Variants in PHF21B observed in about 807,000 individuals in gnomAD.
PHF21B encodes PHD finger protein 4.
A neutral mutation model predicts 62.2 loss-of-function variants in PHF21B; 22 were observed. The observed-to-expected ratio is 0.35, with a 90% confidence interval of 0.25 to 0.51. PHF21B has a LOEUF of 0.51. Among genes scored for constraint, PHF21B ranks in the 20% least tolerant of loss-of-function variants. The pLI is 0.97. For missense variants in PHF21B, 701 were observed against 707.9 expected (o/e 0.99, Z 0.11); for synonymous variants, 341 against 314.7 (o/e 1.08, Z -0.88).
intron 2 of PHF21B, among the ~76,000 whole-genome samples, chr22:44,937,576 T>C (rs1437779987): frequency 6.6e-6 from 1 of 152,256 alleles, no homozygotes; most frequent in African/African-American, 2.4e-5. Flanking sequence ...ATTTCACTCC[T>C]AGGTGTTTAC....
At chr22:44,952,733 G>C (rs1191769285) in intron 2 of PHF21B, among the ~76,000 whole-genome samples, 1 of 152,202 alleles carries the variant, frequency 6.6e-6, no homozygotes, top group Non-Finnish European at 1.5e-5. Context: ...CTGATTCCAA[G>C]ATTCTATCAT....
At chr22:44,898,706 T>C (rs1329970251) in intron 5 of PHF21B, among the ~76,000 whole-genome samples, 1 of 152,232 alleles carries the variant, frequency 6.6e-6, no homozygotes, top group African/African-American at 2.4e-5. Flanking sequence ...TTGCAGTGTT[T>C]TGATTGTTTG....
chr22:44,984,032 G>GCAT (rs1444992847), intron 2 of PHF21B, among the ~76,000 whole-genome samples: 3 of 147,604 alleles, frequency 2.0e-5, no homozygotes, highest in Non-Finnish European at 4.5e-5. Context: ...ATCATCATTG[G>GCAT]CATCATCACC....
intron 2 of PHF21B, chr22:45,003,453 C>G (rs752964496): frequency 8.5e-5 from 13 of 152,232 alleles, no homozygotes; most frequent in Non-Finnish European, 1.8e-4. Flanking sequence ...ACAAGCAAGG[C>G]TAAGAACGCC....
intron 2 of PHF21B, among the ~76,000 whole-genome samples, chr22:44,934,811 A>G (rs1474750134): frequency 6.6e-6 from 1 of 152,210 alleles, no homozygotes; most frequent in Admixed American, 6.5e-5. Context: ...GGATGGCCAC[A>G]TCGCCTGTCC....
chr22:44,923,973 T>C (rs1050025708), intron 2 of PHF21B, among the ~76,000 whole-genome samples: 6 of 150,152 alleles, frequency 4.0e-5, no homozygotes, highest in Non-Finnish European at 7.4e-5. Context: ...ATTGCACCAC[T>C]GCACTCCAGC....
chr22:44,887,172 A>G (rs1381521403), intron 10 of PHF21B, among the ~76,000 whole-genome samples: 45 of 151,382 alleles, frequency 3.0e-4, no homozygotes, highest in Non-Finnish European at 3.8e-4. Context: ...AAAAAAAAAA[A>G]AAAGAAAGAA....
intron 3 of PHF21B, among the ~76,000 whole-genome samples, chr22:44,917,265 A>C (rs1259393543): frequency 6.6e-6 from 1 of 152,146 alleles, no homozygotes; most frequent in African/African-American, 2.4e-5. Context: ...CTGGTGACAC[A>C]CCTGAACTGG....
chr22:44,952,381 G>C (rs534882058), intron 2 of PHF21B, among the ~76,000 whole-genome samples: 1 of 152,286 alleles, frequency 6.6e-6, no homozygotes, highest in East Asian at 1.9e-4. Flanking sequence ...TGCATGCAAC[G>C]TGAGAGAAAC....
rs371319983 is a variant in PHF21B at position 44,933,231 on chromosome 22, C to G, written c.121-12741G>C. Among the ~76,000 whole-genome samples the G allele has an allele frequency of 3.9e-5, 6 of 152,232 alleles. No homozygotes were observed. The South Asian group carries it at 1.0e-3, about 26-fold the overall frequency. On this transcript the variant is annotated intron_variant, in intron 2 of 12. Transcript: ENST00000313237. ...GGTTCAAGCGATTCTCCTGCCTCAG[C>G]CTCCCAAGTAGCTGGGATTACAGGC...
At chr22:44,995,587 T>C (rs542729631) in intron 2 of PHF21B, among the ~76,000 whole-genome samples, 11 of 152,162 alleles carry the variant, frequency 7.2e-5, no homozygotes, top group East Asian at 1.9e-4. Context: ...CCTTGGGAGC[T>C]TGGACCACTG....
In PHF21B at chr22:44,941,088, A is replaced by G. The variant is rs1385260921; in HGVS notation, c.121-20598T>C. The stretch of plus-strand genomic sequence containing the variant: ...CGCAGCGCCATGCAGTCCTGATGTC[A>G]TGGACTCAGGAATGCTGCGCGTGCT... On this transcript the variant is annotated intron_variant, in intron 2 of 12. Transcript: ENST00000313237. 3.9e-5 allele frequency among the ~76,000 whole-genome samples: 6 copies of G among 152,282 alleles called. No individual in the cohort carries two copies. The South Asian group carries it at 6.2e-4, about 16-fold the overall frequency.
At chr22:44,931,642 G>GT (rs77322308) in intron 2 of PHF21B, among the ~76,000 whole-genome samples, 72,628 of 137,084 alleles carry the variant, frequency 0.53, 19,806 homozygotes, top group Admixed American at 0.66. Context: ...TGTGATCTTG[G>GT]GGGGGGGGTG....
At chr22:44,972,484 G>A (rs193136569) in intron 2 of PHF21B, among the ~76,000 whole-genome samples, 5 of 152,070 alleles carry the variant, frequency 3.3e-5, no homozygotes, top group Admixed American at 6.5e-5. Flanking sequence ...TGGCAGACGC[G>A]GCTGCTCAGT....
intron 2 of PHF21B, among the ~76,000 whole-genome samples, chr22:44,933,822 G>A (rs1197528948): frequency 6.6e-6 from 1 of 152,128 alleles, no homozygotes; most frequent in Non-Finnish European, 1.5e-5. Context: ...TGTGTACCCT[G>A]CACCGCGAGG....
chr22:44,949,321 A>G (rs937267533), intron 2 of PHF21B, among the ~76,000 whole-genome samples: 11 of 151,508 alleles, frequency 7.3e-5, no homozygotes, highest in Admixed American at 2.0e-4. Flanking sequence ...AAAAAAAAAA[A>G]AAAAGAAAAA....
chr22:44,896,134 T>G lies in PHF21B; in HGVS notation c.832-51A>C, dbSNP rs780386196. On this transcript the variant is annotated intron_variant, in intron 5 of 12. Coordinates refer to ENST00000313237, the MANE Select transcript of PHF21B (RefSeq NM_138415.5). ...CATTAACACAACCGTCAAAGTTCAT[T>G]CATGCACTCAACAAACATCTGCTGT... The G allele has an allele frequency of 3.1e-6, 5 of 1,598,148 alleles. No homozygotes were observed. In the South Asian group the frequency reaches 5.5e-5, roughly 18 times the overall value.
intron 8 of PHF21B, 109 bp downstream of exon 8, chr22:44,891,197 C>G (rs1465420802): frequency 8.0e-7 from 1 of 1,247,058 alleles, no homozygotes; most frequent in Non-Finnish European, 1.1e-6. Context: ...CCAGGTCAGA[C>G]CAGTGGGAGG....
At chr22:44,919,540 A>G (rs1288778081) in intron 3 of PHF21B, among the ~76,000 whole-genome samples, 1 of 152,198 alleles carries the variant, frequency 6.6e-6, no homozygotes, top group Non-Finnish European at 1.5e-5. Flanking sequence ...AAGTTGCCAC[A>G]TGAATGAGGG....
Sources: allele counts gnomAD v4.1 joint callset (sites outside exome capture counted in the v4.1 genomes callset), GRCh38; gene constraint gnomAD v4.1.1; transcripts MANE v1.5; gene names NCBI Gene and HGNC (gene_info 2026-07-23, HGNC 2026-07-21).